Variants in CDH7 observed in about 807,000 individuals in gnomAD.
CDH7 encodes the protein cadherin-7.
A neutral mutation model predicts 71.8 loss-of-function variants in CDH7; 25 were observed. The observed-to-expected ratio is 0.35, with a 90% CI of 0.25 to 0.49. The LOEUF is 0.49. CDH7 is among the 20% of genes least tolerant of loss of function. The pLI is 0.99. For missense variants in CDH7, 862 were observed against 974.6 expected, an observed-to-expected ratio of 0.88 and a Z score of 1.54; for synonymous variants, 381 against 363.8, an observed-to-expected ratio of 1.05 and a Z score of -0.54.
chr18:65,802,627 C>T (rs1269295199), intron 2 of CDH7, among the ~76,000 whole-genome samples: 1 of 152,182 alleles, frequency 6.6e-6, no homozygotes, highest in Non-Finnish European at 1.5e-5. Flanking sequence ...AGGTACTCTC[C>T]TATCCGGCGA....
At chr18:65,810,454 C>T (rs980224153) in intron 3 of CDH7, among the ~76,000 whole-genome samples, 2 of 152,108 alleles carry the variant, frequency 1.3e-5, no homozygotes, top group Non-Finnish European at 2.9e-5. Context: ...CAATGGCTAT[C>T]CAGGCTAATA....
rs377190891 is a variant in CDH7 at position 65,849,940 on chromosome 18, G to T, written c.1235+5875G>T. Among the ~76,000 whole-genome samples, 197 of 151,894 alleles carry T rather than the reference G, an allele frequency of 1.3e-3. 1 individual carries two copies. Among genetic ancestry groups the T allele is most frequent in the African/African-American group, 4.4e-3 (181 of 41,440 alleles). On this transcript the variant is annotated intron_variant, in intron 7 of 11. Transcript: ENST00000397968. ...GCATTTTGGGAGGCCGAGATGGGTGGATCATTTTAGGCCAGGAATTCGAGA... is the reference window on the plus strand; with the variant it reads ...GCATTTTGGGAGGCCGAGATGGGTGTATCATTTTAGGCCAGGAATTCGAGA...
In CDH7 at chr18:65,880,839, G is replaced by A. The variant is rs761985195; in HGVS notation, c.2303G>A (p.Arg768His). ...NYDYLSDWGP[R>H]FKRLADMYGT... ...GACTACCTAAGTGACTGGGGACCTC[G>A]CTTTAAACGACTCGCGGACATGTAT... is the stretch of plus-strand genomic sequence containing the variant. The change falls in exon 12 of 12, where the codon CGC becomes CAC. Residue 768 changes from arginine (R) to histidine (H), a missense_variant. Arg to His is a conservative substitution (Grantham distance 29). Coordinates refer to ENST00000397968, the MANE Select transcript of CDH7 (RefSeq NM_004361.5). 3.7e-6 allele frequency: 6 copies of A among 1,613,950 alleles called. No individual in the cohort carries two copies. The highest frequency in any genetic ancestry group is 1.1e-5 in the South Asian group (1 of 91,076).
intron 4 of CDH7, among the ~76,000 whole-genome samples, chr18:65,819,416 T>G (rs4941358): frequency 1.3e-5 from 2 of 152,070 alleles, no homozygotes; most frequent in Admixed American, 6.5e-5. Flanking sequence ...CTGGATTACC[T>G]TTGAATTCTT....
At chr18:65,875,463 G>T in intron 11 of CDH7, among the ~76,000 whole-genome samples, 1 of 152,138 alleles carries the variant, frequency 6.6e-6, no homozygotes, top group East Asian at 1.9e-4. Context: ...GAGAATAAAG[G>T]TGCCCACTAA....
At position 65,880,470 on chromosome 18, in the gene CDH7, A is replaced by T; in HGVS notation, c.1934A>T (p.Asp645Val). 6.3e-7 allele frequency: 1 copy of T among 1,590,478 alleles called. No individual in the cohort carries two copies. The highest frequency in any genetic ancestry group is 8.5e-7 in the Non-Finnish European group (1 of 1,173,272). The part of the protein sequence containing the change: ...KEPLIFDEER[D>V]IRENIVRYDD... Reference sequence around the variant, plus strand: ...CCCCTTATTTTTGACGAAGAAAGAGACATCAGAGAAAATATTGTGAGATAC... The same window carrying T: ...CCCCTTATTTTTGACGAAGAAAGAGTCATCAGAGAAAATATTGTGAGATAC... Residue 645 changes from aspartate to valine, a missense_variant, in exon 12 of 12, where the codon GAC (aspartate) becomes GTC (valine). Transcript: ENST00000397968.
intron 11 of CDH7, among the ~76,000 whole-genome samples, chr18:65,876,946 C>G (rs1914090432): frequency 6.6e-6 from 1 of 152,126 alleles, no homozygotes; most frequent in African/African-American, 2.4e-5. Flanking sequence ...CTTCTATTTC[C>G]ACTCAGAAGT....
At chr18:65,802,294 A>G (rs1035699625) in intron 2 of CDH7, among the ~76,000 whole-genome samples, 18 of 152,222 alleles carry the variant, frequency 1.2e-4, no homozygotes, top group African/African-American at 3.9e-4. Context: ...TGCAATAAAA[A>G]TAAATTTCTT....
intron 2 of CDH7, among the ~76,000 whole-genome samples, chr18:65,790,109 A>C (rs756644389): frequency 2.0e-5 from 3 of 150,630 alleles, no homozygotes; most frequent in Non-Finnish European, 3.0e-5. Context: ...GGGCGCCTGT[A>C]GTCCCAGGTG....
chr18:65,785,613 A>G (rs907283775), intron 2 of CDH7, among the ~76,000 whole-genome samples: 1 of 152,062 alleles, frequency 6.6e-6, no homozygotes. Flanking sequence ...AGAAAAAAAA[A>G]CTAAGTGACA....
chr18:65,829,775 A>AGT (rs3061822), intron 6 of CDH7, among the ~76,000 whole-genome samples: 9,384 of 138,006 alleles, frequency 0.068, 424 homozygotes, highest in African/African-American at 0.13. Flanking sequence ...CAAGGAAGGG[A>AGT]GTGTGTGTGT....
rs1555688432 is a variant in CDH7 at position 65,844,174 on chromosome 18, G to GATATATATATATATATATATAT, written c.1235+123_1235+124insATATATATATATATATATATAT. 1,392 of 227,842 alleles carry GATATATATATATATATATATAT rather than the reference G, an allele frequency of 6.1e-3. 118 individuals are homozygous for GATATATATATATATATATATAT. The highest frequency in any genetic ancestry group is 0.039 in the African/African-American group (1,264 of 32,630). The allele number at this position is 227,842 out of a possible 1,614,324, so 14.1% of individuals were successfully genotyped here. A position where few individuals can be genotyped will look rare whatever the true frequency, so the allele number is the denominator to read the frequency against. On this transcript the variant is annotated intron_variant, in intron 7 of 11. Transcript: ENST00000397968. ...CTTTGTTCATAACAAATAAAAACCA[G>GATATATATATATATATATATAT]ATATATATATATATCGAGTTATAAC... is the stretch of plus-strand genomic sequence containing the variant.
chr18:65,824,820 A>G lies in CDH7; in HGVS notation c.970A>G (p.Thr324Ala), dbSNP rs776843383. The G allele has an allele frequency of 3.1e-6, 5 of 1,603,496 alleles. No individual in the cohort carries two copies. The highest frequency in any genetic ancestry group is 1.7e-6 in the Non-Finnish European group (2 of 1,172,700). ...VDKETQEGII[T>A]IQKELDFEAK... is the part of the protein sequence containing the mutation. ...CAAAGAAACCCAGGAAGGAATCATT[A>G]CTATACAGAAGGTAATGTTTTCTTT... The change falls in exon 6 of 12, where the codon ACT becomes GCT. Residue 324 changes from threonine to alanine, a missense_variant. Transcript: ENST00000397968.
intron 11 of CDH7, chr18:65,866,440 C>T (rs1913765078): frequency 6.7e-6 from 1 of 148,480 alleles, no homozygotes; most frequent in South Asian, 2.1e-4. Context: ...AGTGATGTGA[C>T]TAATTAAAGC....
intron 6 of CDH7, among the ~76,000 whole-genome samples, chr18:65,828,413 T>C (rs1912211687): frequency 6.6e-6 from 1 of 152,188 alleles, no homozygotes; most frequent in Non-Finnish European, 1.5e-5. Context: ...GATTTTTTTC[T>C]ATAAATATAT....
chr18:65,777,123 G>A (rs1909976643), intron 2 of CDH7, among the ~76,000 whole-genome samples: 1 of 151,990 alleles, frequency 6.6e-6, no homozygotes, highest in Admixed American at 6.6e-5. Context: ...GAAAAATGAA[G>A]ATCAGAGATG....
At chr18:65,777,543 G>T (rs1453848997) in intron 2 of CDH7, among the ~76,000 whole-genome samples, 2 of 151,824 alleles carry the variant, frequency 1.3e-5, no homozygotes, top group Non-Finnish European at 2.9e-5. Context: ...GAAGCATCTG[G>T]TTAAGTGGAA....
intron 2 of CDH7, among the ~76,000 whole-genome samples, chr18:65,799,197 T>C (rs2143877407): frequency 6.6e-6 from 1 of 152,208 alleles, no homozygotes; most frequent in African/African-American, 2.4e-5. Flanking sequence ...GAAGCCCACC[T>C]GCTCCTGATG....
chr18:65,853,840 G>C (rs1270751499), intron 7 of CDH7, among the ~76,000 whole-genome samples: 2 of 144,550 alleles, frequency 1.4e-5, no homozygotes, highest in Non-Finnish European at 3.0e-5. Flanking sequence ...AGGTGCTCAA[G>C]AGTAATTGCC....
Sources: gnomAD v4.1 joint callset for allele counts (sites outside exome capture counted in the v4.1 genomes callset) on GRCh38, gnomAD v4.1.1 for gene constraint, MANE v1.5 for transcripts, NCBI Gene and HGNC (gene_info 2026-07-23, HGNC 2026-07-21) for gene names.